The following IL1R2 variants were observed in gnomAD, a reference collection of about 807,000 sequenced individuals.
IL1R2 encodes interleukin 1 receptor type 2.
Under a neutral mutation model 39.5 loss-of-function variants are expected in IL1R2, and 46 were observed. That is an observed-to-expected ratio of 1.16 (90% CI 0.92 to 1.49). IL1R2 has a LOEUF of 1.49. Ranked by LOEUF, IL1R2 falls within the 40% of genes most tolerant of loss-of-function variation. The pLI is 0.00. For missense variants in IL1R2, 537 were observed against 502.0 expected (o/e 1.07, Z -0.67); for synonymous variants, 207 against 189.6 (o/e 1.09, Z -0.75).
At chr2:101,993,746 C>A (rs993994121) in intron 1 of IL1R2, among the ~76,000 whole-genome samples, 4 of 152,252 alleles carry the variant, frequency 2.6e-5, no homozygotes, top group South Asian at 2.1e-4. Flanking sequence ...CTTTTGGGGG[C>A]CTTTGCTCTT....
chr2:102,011,874 A>G (rs1676659181), intron 3 of IL1R2, among the ~76,000 whole-genome samples: 1 of 152,128 alleles, frequency 6.6e-6, no homozygotes, highest in Non-Finnish European at 1.5e-5. Context: ...AGAATTTTAT[A>G]GTTTTAGCTC....
intron 1 of IL1R2, 126 bp from the exon 2 acceptor site, chr2:102,008,389 A>T: frequency 3.3e-6 from 2 of 600,166 alleles, no homozygotes; most frequent in Non-Finnish European, 6.0e-6. Flanking sequence ...TTTTGTTCTT[A>T]AACAGAGTAG....
Position 102,019,686 on chromosome 2 carries a change from G to A in IL1R2, c.562G>A (p.Gly188Arg). 1.2e-6 allele frequency: 2 copies of A among 1,613,720 alleles called. No individual in the cohort carries two copies. Among genetic ancestry groups the A allele is most frequent in the South Asian group, 1.1e-5 (1 of 91,062 alleles). The part of the protein sequence containing the change: ...KDNEKFLSVR[G>R]TTHLLVHDVA... Reference sequence around the variant, plus strand: ...CAATGAGAAATTTCTAAGTGTGAGGGGGACCACTCACTTACTCGTACACGA... The same window carrying A: ...CAATGAGAAATTTCTAAGTGTGAGGAGGACCACTCACTTACTCGTACACGA... The change falls in exon 5 of 9, where the codon GGG becomes AGG. Residue 188 changes from glycine (G) to arginine (R), a missense_variant. Physicochemically the swap from Gly to Arg is moderately radical, Grantham distance 125 (BLOSUM62 -2). Coordinates refer to ENST00000332549, the MANE Select transcript of IL1R2 (RefSeq NM_004633.4).
At chr2:102,008,481 T>G in intron 1 of IL1R2, 34 bp from the exon 2 acceptor site, 1 of 930,524 alleles carries the variant, frequency 1.1e-6, no homozygotes, top group Non-Finnish European at 1.8e-6. Context: ...GCAGGGTTCT[T>G]GGTTCCTGGT....
chr2:102,018,656 G>A (rs890165997), intron 4 of IL1R2, among the ~76,000 whole-genome samples: 1 of 152,134 alleles, frequency 6.6e-6, no homozygotes, highest in African/African-American at 2.4e-5. Flanking sequence ...CGATGAAGTA[G>A]GAACTGTAAA....
intron 1 of IL1R2, among the ~76,000 whole-genome samples, chr2:101,999,869 G>A (rs1052965751): frequency 5.9e-5 from 9 of 152,140 alleles, no homozygotes; most frequent in Admixed American, 2.0e-4. Flanking sequence ...TGTTAAGCAC[G>A]CAACATTTAT....
chr2:102,009,839 G>A lies in IL1R2; in HGVS notation c.332+13G>A, dbSNP rs780041137. 3 of 1,612,540 alleles carry A rather than the reference G, an allele frequency of 1.9e-6. No individual in the cohort carries two copies. The South Asian group carries it at 3.3e-5, about 18-fold the overall frequency. On this transcript the variant is annotated intron_variant, in intron 3 of 8. Transcript: ENST00000332549. ...TCTGCACTACTAGGTAAGTCTCCCT[G>A]TGCGGGGCTGGGGAGGGGATCCTGG...
In IL1R2 at chr2:101,995,810, G is replaced by T. The variant is rs114692481; in HGVS notation, c.-62+3799G>T. ...GGGGACCCAGGTCATTGTCAAAACA[G>T]AATTTACGGAGACCAGCAGTGGGAC... is the stretch of plus-strand genomic sequence containing the variant. On this transcript the variant is annotated intron_variant, in intron 1 of 8. Transcript: ENST00000332549. Among the ~76,000 whole-genome samples the T allele has an allele frequency of 6.2e-3, 947 of 152,340 alleles. 10 individuals carry two copies. The highest frequency in any genetic ancestry group is 0.022 in the African/African-American group (903 of 41,564).
chr2:102,008,805 T>G (rs115550462), intron 2 of IL1R2, among the ~76,000 whole-genome samples, 163 bp downstream of exon 2: 49 of 146,340 alleles, frequency 3.3e-4, no homozygotes, highest in African/African-American at 9.8e-4. Flanking sequence ...GTGGATTGCT[T>G]GAGCCCAGGA....
chr2:101,992,223 A>T (rs533752833), intron 1 of IL1R2, among the ~76,000 whole-genome samples: 10 of 151,788 alleles, frequency 6.6e-5, no homozygotes, highest in African/African-American at 2.4e-4. Context: ...AGGCAGAGAA[A>T]CAGAGACAGA....
intron 3 of IL1R2, 68 bp downstream of exon 3, chr2:102,009,894 C>A: frequency 1.3e-6 from 2 of 1,527,928 alleles, no homozygotes; most frequent in South Asian, 2.3e-5. Context: ...GGTCTTCAGT[C>A]ATGATCCGGA....
chr2:102,011,650 C>A (rs1029645923), intron 3 of IL1R2, among the ~76,000 whole-genome samples: 1 of 152,202 alleles, frequency 6.6e-6, no homozygotes, highest in Non-Finnish European at 1.5e-5. Context: ...TGGTTATTAA[C>A]CCCTTGCCTT....
At chr2:102,019,544 C>A in intron 4 of IL1R2, 94 bp from the exon 5 acceptor site, 1 of 915,070 alleles carries the variant, frequency 1.1e-6, no homozygotes, top group Non-Finnish European at 1.6e-6. Flanking sequence ...TCTTGGATTG[C>A]AAATCCCACA....
intron 1 of IL1R2, among the ~76,000 whole-genome samples, chr2:101,995,310 T>C (rs1055560044): frequency 6.6e-6 from 1 of 152,128 alleles, no homozygotes; most frequent in Non-Finnish European, 1.5e-5. Flanking sequence ...TTTTTTTCCA[T>C]TGGCCTTGAA....
At chr2:102,014,297 A>G (rs1676853107) in intron 3 of IL1R2, among the ~76,000 whole-genome samples, 1 of 152,160 alleles carries the variant, frequency 6.6e-6, no homozygotes, top group Non-Finnish European at 1.5e-5. Context: ...TATAATAGTA[A>G]TTCCTACTTC....
chr2:102,009,478 A>G, intron 2 of IL1R2, 84 bp from the exon 3 acceptor site: 1 of 1,442,242 alleles, frequency 6.9e-7, no homozygotes, highest in Non-Finnish European at 9.4e-7. Flanking sequence ...TGCCAGAATC[A>G]GGATCAGTCC....
At chr2:102,016,239 A>G (rs1330458398) in intron 4 of IL1R2, 188 bp downstream of exon 4, 2 of 509,294 alleles carry the variant, frequency 3.9e-6, no homozygotes, top group Admixed American at 3.5e-5. Flanking sequence ...GATTGAAAAT[A>G]TAAACAAATA....
intron 1 of IL1R2, among the ~76,000 whole-genome samples, chr2:102,003,828 T>C (rs111214799): frequency 1.7e-4 from 8 of 46,912 alleles, no homozygotes; most frequent in East Asian, 6.3e-4. Context: ...TGTGTCTGTG[T>C]CTGTGTCTGT....
At chr2:102,006,699 G>A (rs1676283965) in intron 1 of IL1R2, among the ~76,000 whole-genome samples, 1 of 152,220 alleles carries the variant, frequency 6.6e-6, no homozygotes, top group African/African-American at 2.4e-5. Context: ...TGGGCCATGA[G>A]GGCTGTGAGC....
Sources: gnomAD v4.1 joint callset for allele counts (sites outside exome capture counted in the v4.1 genomes callset) on GRCh38, gnomAD v4.1.1 for gene constraint, MANE v1.5 for transcripts, NCBI Gene and HGNC (gene_info 2026-07-23, HGNC 2026-07-21) for gene names.